ERBB4: variants seen among roughly 807,000 people sequenced by gnomAD.
ERBB4 encodes the protein receptor tyrosine-protein kinase erbB-4.
Under a neutral mutation model 158.0 loss-of-function variants are expected in ERBB4, and 42 were observed. The ratio of observed to expected loss-of-function variants is 0.27; its 90% CI spans 0.21 to 0.34. The LOEUF is 0.34. Among genes scored for constraint, ERBB4 ranks in the 10% least tolerant of loss-of-function variants. ERBB4 has a pLI of 1.00. For missense variants in ERBB4, 1,333 were observed against 1,624.1 expected (o/e 0.82, Z 3.08); for synonymous variants, 583 against 558.7 (o/e 1.04, Z -0.61).
chr2:211,906,182 C>A (rs2079387775), intron 3 of ERBB4, among the ~76,000 whole-genome samples: 1 of 151,980 alleles, frequency 6.6e-6, no homozygotes, highest in Admixed American at 6.6e-5. Flanking sequence ...CTCTAATAAT[C>A]CAGGTTAGAA....
At position 211,703,319 on chromosome 2, in the gene ERBB4, A is replaced by G. The variant is rs1184620267; in HGVS notation, c.1289+785T>C. ...GCACTTTAATAGATTGTATCTTTCAACTATCCTTTCTTATTAAGCTCCTTT... is the reference window on the plus strand; with the variant it reads ...GCACTTTAATAGATTGTATCTTTCAGCTATCCTTTCTTATTAAGCTCCTTT... On this transcript the variant is annotated intron_variant, in intron 11 of 27. Transcript: ENST00000342788. Among the ~76,000 whole-genome samples the G allele has an allele frequency of 2.0e-5, 3 of 152,168 alleles. No homozygotes were observed. In the South Asian group the frequency reaches 6.2e-4, roughly 31 times the overall value.
At chr2:211,928,062 G>A (rs1212767297) in intron 3 of ERBB4, among the ~76,000 whole-genome samples, 1 of 152,082 alleles carries the variant, frequency 6.6e-6, no homozygotes, top group African/African-American at 2.4e-5. Context: ...GGAAAGGTCT[G>A]CTTTCAGAAA....
chr2:211,673,277 A>G lies in ERBB4; in HGVS notation c.1623-20T>C, dbSNP rs1366393605. On this transcript the variant is annotated intron_variant, in intron 13 of 27. Transcript: ENST00000342788. Reference sequence around the variant, plus strand: ...AATTCACTGTGAAAACATCAGCCACATGAGGAGGTGTAAGCAAACAAGCGT... The same window carrying G: ...AATTCACTGTGAAAACATCAGCCACGTGAGGAGGTGTAAGCAAACAAGCGT... 2.5e-6 allele frequency: 4 copies of G among 1,571,354 alleles called. No homozygotes were observed. In the African/African-American group the frequency reaches 4.1e-5, roughly 16 times the overall value.
intron 3 of ERBB4, among the ~76,000 whole-genome samples, chr2:211,789,213 T>C (rs918548444): frequency 2.6e-5 from 4 of 152,166 alleles, no homozygotes; most frequent in Admixed American, 1.3e-4. Context: ...AGAGAAATCA[T>C]GCATCAGTCC....
At chr2:212,179,782 C>G (rs2081796876) in intron 1 of ERBB4, among the ~76,000 whole-genome samples, 1 of 151,556 alleles carries the variant, frequency 6.6e-6, no homozygotes, top group African/African-American at 2.4e-5. Context: ...CAATTATAAA[C>G]ACACTTTATG....
intron 1 of ERBB4, among the ~76,000 whole-genome samples, chr2:212,358,005 C>T (rs1401906266): frequency 6.6e-6 from 1 of 151,766 alleles, no homozygotes; most frequent in Non-Finnish European, 1.5e-5. Context: ...ATTTTCTAGG[C>T]CAAATTTTGC....
At chr2:211,571,038 C>CCTCTTTT (rs1437512949) in intron 19 of ERBB4, among the ~76,000 whole-genome samples, 3 of 58,766 alleles carry the variant, frequency 5.1e-5, no homozygotes, top group African/African-American at 2.3e-4. Flanking sequence ...GAGTACTCTT[C>CCTCTTTT]TTCTTTTTTT....
At chr2:212,261,666 C>T (rs1192843199) in intron 1 of ERBB4, among the ~76,000 whole-genome samples, 1 of 151,986 alleles carries the variant, frequency 6.6e-6, no homozygotes, top group Non-Finnish European at 1.5e-5. Flanking sequence ...CTACTTAGTG[C>T]TCAGATGCTT....
intron 2 of ERBB4, among the ~76,000 whole-genome samples, chr2:211,951,115 A>G (rs1325868204): frequency 1.3e-5 from 2 of 152,146 alleles, no homozygotes; most frequent in African/African-American, 4.8e-5. Context: ...CCTACAACAT[A>G]TGATAAGATC....
chr2:211,603,154 C>A (rs1014090535), intron 19 of ERBB4, among the ~76,000 whole-genome samples: 4 of 152,118 alleles, frequency 2.6e-5, no homozygotes, highest in Admixed American at 1.3e-4. Flanking sequence ...TCGCTTGAAC[C>A]CGGGAGGCGG....
intron 1 of ERBB4, among the ~76,000 whole-genome samples, chr2:212,283,815 T>C (rs188485975): frequency 1.3e-5 from 2 of 151,942 alleles, no homozygotes; most frequent in Admixed American, 6.6e-5. Context: ...CAGTGAAGAG[T>C]TGAAAATTTG....
At chr2:211,988,572 G>A (rs2081994391) in intron 2 of ERBB4, among the ~76,000 whole-genome samples, 1 of 152,116 alleles carries the variant, frequency 6.6e-6, no homozygotes, top group South Asian at 2.1e-4. Flanking sequence ...CTCTCTCTGA[G>A]CTACTGATTC....
intron 1 of ERBB4, among the ~76,000 whole-genome samples, chr2:212,366,833 ATAT>A (rs998864014): frequency 1.1e-4 from 16 of 152,062 alleles, no homozygotes; most frequent in Non-Finnish European, 2.1e-4. Context: ...AATTATAAAA[ATAT>A]TATTACATTT....
intron 1 of ERBB4, among the ~76,000 whole-genome samples, chr2:212,248,804 A>C (rs1018472320): frequency 1.3e-5 from 2 of 151,938 alleles, no homozygotes; most frequent in African/African-American, 2.4e-5. Context: ...GAAAAAAAAA[A>C]CAGGTTTATT....
intron 1 of ERBB4, among the ~76,000 whole-genome samples, chr2:212,217,391 C>A (rs1476881654): frequency 6.6e-6 from 1 of 150,804 alleles, no homozygotes; most frequent in South Asian, 2.1e-4. Flanking sequence ...TTCATTCATT[C>A]AACAAATATT....
At chr2:211,768,831 C>T (rs1192708626) in intron 4 of ERBB4, among the ~76,000 whole-genome samples, 1 of 150,580 alleles carries the variant, frequency 6.6e-6, no homozygotes, top group South Asian at 2.1e-4. Flanking sequence ...GAGACATTTT[C>T]CCCATTGTCT....
At chr2:211,458,925 A>T (rs1290786217) in intron 20 of ERBB4, among the ~76,000 whole-genome samples, 1 of 152,196 alleles carries the variant, frequency 6.6e-6, no homozygotes, top group Admixed American at 6.5e-5. Context: ...TATTGATTCA[A>T]CCAAATGCTC....
intron 2 of ERBB4, among the ~76,000 whole-genome samples, chr2:212,017,702 AAAT>A (rs1344708430): frequency 1.4e-4 from 21 of 152,246 alleles, no homozygotes; most frequent in African/African-American, 4.6e-4. Context: ...ATTGTATATT[AAAT>A]AATAATTTCC....
At chr2:212,208,969 C>T (rs529669886) in intron 1 of ERBB4, among the ~76,000 whole-genome samples, 58 of 152,180 alleles carry the variant, frequency 3.8e-4, no homozygotes, top group African/African-American at 1.3e-3. Context: ...AATGCTCTCC[C>T]GATTTATCTC....
Sources: allele counts gnomAD v4.1 joint callset (sites outside exome capture counted in the v4.1 genomes callset), GRCh38; gene constraint gnomAD v4.1.1; transcripts MANE v1.5; gene names NCBI Gene and HGNC (gene_info 2026-07-23, HGNC 2026-07-21).